TRAM2: variants seen among roughly 807,000 people sequenced by gnomAD.
The protein encoded by TRAM2 is translocating chain-associated membrane protein 2.
In TRAM2, 12 loss-of-function variants were observed where a neutral mutation model predicts 51.0. The ratio of observed to expected loss-of-function variants is 0.24; its 90% CI spans 0.15 to 0.38. The LOEUF (loss-of-function observed/expected upper bound fraction) is 0.38. Among genes scored for constraint, TRAM2 ranks in the 10% least tolerant of loss-of-function variants. TRAM2 has a pLI of 1.00. For missense variants in TRAM2, 361 were observed against 462.0 expected (o/e 0.78, Z 2.00); for synonymous variants, 175 against 179.4 (o/e 0.98, Z 0.20).
At chr6:52,573,848 C>T (rs1293996729) in intron 1 of TRAM2, among the ~76,000 whole-genome samples, 3 of 152,068 alleles carry the variant, frequency 2.0e-5, no homozygotes, top group South Asian at 2.1e-4. Flanking sequence ...CTGCCTGGCG[C>T]GTGGGCTGAT....
chr6:52,506,218 C>T (rs918767479), intron 7 of TRAM2, 82 bp from the exon 8 acceptor site: 2 of 1,285,324 alleles, frequency 1.6e-6, no homozygotes, highest in African/African-American at 2.9e-5. Context: ...CTCAGGCTGT[C>T]CCCTGTGCCT....
Position 52,502,073 on chromosome 6 carries a change from ACT to A in TRAM2, c.*1122_*1123del, listed in dbSNP as rs1186937556. 6.6e-6 allele frequency: 1 copy of A among 152,354 alleles called. No homozygotes were observed. The highest frequency in any genetic ancestry group is 2.4e-5 in the African/African-American group (1 of 41,542). 9.4% of individuals were successfully genotyped at this position (152,354 alleles called of 1,614,324 possible). The stretch of plus-strand genomic sequence containing the variant: ...TCAAAAAACGACAATTCCAAAGAAC[ACT>A]CAACAAGGGCGGCCAGATGAACAGC... On this transcript the variant is annotated 3_prime_UTR_variant, in exon 11 of 11. Coordinates refer to ENST00000182527, the MANE Select transcript of TRAM2 (RefSeq NM_012288.4).
In TRAM2 at chr6:52,570,801, C is replaced by T. The variant is rs56961861; in HGVS notation, c.120+5995G>A. 3.1e-4 allele frequency among the ~76,000 whole-genome samples: 37 copies of T among 119,542 alleles called. 1 individual carries two copies. Among genetic ancestry groups the T allele is most frequent in the African/African-American group, 9.9e-4 (32 of 32,358 alleles). The allele number at this position is 119,542 out of a possible 152,430, so 78.4% of individuals were successfully genotyped here. On this transcript the variant is annotated intron_variant, in intron 1 of 10. Coordinates refer to ENST00000182527, the MANE Select transcript of TRAM2 (RefSeq NM_012288.4). ...CCAATCCTCCCTGCCCACCACCCCCCCCCCCACACGCACACACACTCTGCC... is the reference window on the plus strand; with the variant it reads ...CCAATCCTCCCTGCCCACCACCCCCTCCCCCACACGCACACACACTCTGCC...
rs1299275063 is a variant in TRAM2, at chr6:52,574,931, C to CG, written c.120+1864dup. The stretch of plus-strand genomic sequence containing the variant: ...GAGCCACAGGCTATGCGAGAAACTT[C>CG]GTCGCTGCAGCCTGTGGCTTTGAGG... On this transcript the variant is annotated intron_variant, in intron 1 of 10. Coordinates refer to ENST00000182527, the MANE Select transcript of TRAM2 (RefSeq NM_012288.4). Among the ~76,000 whole-genome samples the CG allele has an allele frequency of 2.0e-5, 3 of 152,294 alleles. No homozygotes were observed. In the East Asian group the frequency reaches 5.8e-4, roughly 29 times the overall value.
At chr6:52,526,750 CAGAA>C (rs1426402153) in intron 2 of TRAM2, among the ~76,000 whole-genome samples, 4 of 152,238 alleles carry the variant, frequency 2.6e-5, no homozygotes, top group Non-Finnish European at 4.4e-5. Flanking sequence ...TGTAGCTTTC[CAGAA>C]AGAAATATAC....
In TRAM2 at chr6:52,563,113, C is replaced by G. The variant is rs190353035; in HGVS notation, c.120+13683G>C. Among the ~76,000 whole-genome samples, 22 of 152,194 alleles carry G rather than the reference C, an allele frequency of 1.4e-4. No homozygotes were observed. The East Asian group carries it at 4.3e-3, about 29-fold the overall frequency. ...TTCACTGCTGCATTGTTTATAAGAG[C>G]AAAACACTGGAAATGACCCAAGTGT... On this transcript the variant is annotated intron_variant, in intron 1 of 10. Transcript: ENST00000182527.
chr6:52,504,976 A>G (rs927242716), intron 9 of TRAM2, among the ~76,000 whole-genome samples: 1 of 152,262 alleles, frequency 6.6e-6, no homozygotes, highest in Non-Finnish European at 1.5e-5. Context: ...GGAGACGGGA[A>G]GGAAGTGGCG....
At chr6:52,561,693 T>C (rs1472092437) in intron 1 of TRAM2, among the ~76,000 whole-genome samples, 1 of 152,052 alleles carries the variant, frequency 6.6e-6, no homozygotes, top group Non-Finnish European at 1.5e-5. Context: ...GGTTTCACCA[T>C]GTTAGCCAGG....
At chr6:52,526,148 GACAGACACACACACACACACAC>G (rs1436328709) in intron 2 of TRAM2, among the ~76,000 whole-genome samples, 11,592 of 146,380 alleles carry the variant, frequency 0.079, 561 homozygotes, top group Non-Finnish European at 0.1. Context: ...AATACACACA[GACAGACACACACACACACACAC>G]ACACACACAC....
chr6:52,534,528 G>A (rs1478656527), intron 2 of TRAM2, among the ~76,000 whole-genome samples: 2 of 152,214 alleles, frequency 1.3e-5, no homozygotes, highest in Non-Finnish European at 2.9e-5. Context: ...TGGCGGGATC[G>A]GAGAACCCCT....
rs1244580620 is a variant in TRAM2 at position 52,508,097 on chromosome 6, G to C, written c.555+137C>G. 1.3e-5 allele frequency: 10 copies of C among 763,126 alleles called. No individual in the cohort carries two copies. In the East Asian group the frequency reaches 2.2e-4, roughly 17 times the overall value. The allele number at this position is 763,126 out of a possible 1,614,324, so 47.3% of individuals were successfully genotyped here. ...TCTCCAAGAGATGACTCAGCATGTT[G>C]CTCAATCCCCAACATATTCCTATCA... On this transcript the variant is annotated intron_variant, in intron 6 of 10. Transcript: ENST00000182527.
intron 1 of TRAM2, among the ~76,000 whole-genome samples, chr6:52,551,464 C>A (rs1472008729): frequency 6.6e-6 from 1 of 152,134 alleles, no homozygotes; most frequent in Non-Finnish European, 1.5e-5. Flanking sequence ...CAGGATAGAG[C>A]AGCAACTGGA....
At chr6:52,542,659 C>T (rs1259823100) in intron 1 of TRAM2, among the ~76,000 whole-genome samples, 1 of 151,968 alleles carries the variant, frequency 6.6e-6, no homozygotes, top group Non-Finnish European at 1.5e-5. Context: ...CCTGTGATCA[C>T]GATGTTGAAT....
chr6:52,520,989 A>G (rs565270508), intron 2 of TRAM2, among the ~76,000 whole-genome samples: 1 of 151,364 alleles, frequency 6.6e-6, no homozygotes, highest in South Asian at 2.1e-4. Flanking sequence ...GCTCACCACA[A>G]CCTCCCGGGT....
chr6:52,538,135 C>G (rs1767006978), intron 1 of TRAM2, among the ~76,000 whole-genome samples: 1 of 152,210 alleles, frequency 6.6e-6, no homozygotes, highest in African/African-American at 2.4e-5. Context: ...GAAGGAAGAT[C>G]AGAGGAGTTG....
At chr6:52,535,961 G>A (rs1766971777) in intron 1 of TRAM2, 115 bp from the exon 2 acceptor site, 9 of 797,254 alleles carry the variant, frequency 1.1e-5, no homozygotes, top group Non-Finnish European at 1.6e-5. Flanking sequence ...TTGACTGAAC[G>A]GTTCTGCCTA....
At chr6:52,547,521 A>G (rs1277823390) in intron 1 of TRAM2, among the ~76,000 whole-genome samples, 2 of 152,226 alleles carry the variant, frequency 1.3e-5, no homozygotes, top group Non-Finnish European at 2.9e-5. Context: ...GAGAGAGGCA[A>G]AAACAAAATG....
intron 1 of TRAM2, among the ~76,000 whole-genome samples, chr6:52,538,785 A>C (rs1408314859): frequency 6.6e-6 from 1 of 152,146 alleles, no homozygotes; most frequent in Non-Finnish European, 1.5e-5. Flanking sequence ...TGGGCTCTAC[A>C]TATATTCTTG....
intron 1 of TRAM2, among the ~76,000 whole-genome samples, chr6:52,575,612 C>A (rs778456033): frequency 6.6e-6 from 1 of 152,112 alleles, no homozygotes; most frequent in Non-Finnish European, 1.5e-5. Flanking sequence ...CCTTGTCATT[C>A]GTAGAGATAC....
Sources: allele counts gnomAD v4.1 joint callset (sites outside exome capture counted in the v4.1 genomes callset), GRCh38; gene constraint gnomAD v4.1.1; transcripts MANE v1.5; gene names NCBI Gene and HGNC (gene_info 2026-07-23, HGNC 2026-07-21).